Variants in AP3B1 observed in about 807,000 individuals in gnomAD.
The protein encoded by AP3B1 is AP-3 complex subunit beta-1.
AP3B1 carries 61 observed loss-of-function variants against 132.5 expected under a neutral mutation model. That is an observed-to-expected ratio of 0.46 (90% confidence interval 0.37 to 0.57). The LOEUF (loss-of-function observed/expected upper bound fraction) is 0.57, where lower values mean the gene tolerates loss of function less well. AP3B1 is among the 20% of genes least tolerant of loss of function. AP3B1 has a pLI of 0.00. For synonymous variants in AP3B1, 388 were observed against 438.3 expected, an observed-to-expected ratio of 0.89 and a Z score of 1.43; for missense variants, 1,120 against 1,289.4, an observed-to-expected ratio of 0.87 and a Z score of 2.01.
At chr5:78,124,022 A>C (rs998464922) in intron 17 of AP3B1, among the ~76,000 whole-genome samples, 1 of 152,248 alleles carries the variant, frequency 6.6e-6, no homozygotes, top group African/African-American at 2.4e-5. Context: ...GCAGCCATAA[A>C]AAATGATGAG....
chr5:78,193,744 TTATATATATATA>T (rs10602406), intron 7 of AP3B1, among the ~76,000 whole-genome samples: 2 of 110,414 alleles, frequency 1.8e-5, no homozygotes, highest in Non-Finnish European at 3.7e-5. Context: ...ATATATTTTT[TTATATATATATA>T]TATATATATA....
chr5:78,237,584 G>A (rs1189622456), intron 3 of AP3B1, among the ~76,000 whole-genome samples: 2 of 152,158 alleles, frequency 1.3e-5, no homozygotes, highest in Non-Finnish European at 2.9e-5. Context: ...AAGGTGGGCA[G>A]ATTACTTGAG....
At chr5:78,111,230 A>T (rs1751577148) in intron 19 of AP3B1, among the ~76,000 whole-genome samples, 1 of 152,332 alleles carries the variant, frequency 6.6e-6, no homozygotes, top group Admixed American at 6.5e-5. Context: ...CTATCTTGCT[A>T]AAAATTTAAG....
At chr5:78,156,797 TA>T (rs201532737) in intron 13 of AP3B1, among the ~76,000 whole-genome samples, 66 of 150,282 alleles carry the variant, frequency 4.4e-4, no homozygotes, top group African/African-American at 1.4e-3. Context: ...AACAGCAAAC[TA>T]AAAAAAAAAT....
Position 78,131,521 on chromosome 5 carries a change from TAA to T in AP3B1, c.1651-2216_1651-2215del, listed in dbSNP as rs370502420. ...TTTAGCTTTTCCCCCATGTAGTCAA[TAA>T]AAAGTTTTTACAATATTGACAACAT... On this transcript the variant is annotated intron_variant, in intron 15 of 26. Coordinates refer to ENST00000255194, the MANE Select transcript of AP3B1 (RefSeq NM_003664.5). 5.4e-4 allele frequency among the ~76,000 whole-genome samples: 82 copies of T among 152,188 alleles called. 2 individuals carry two copies. In the East Asian group the frequency reaches 0.011, roughly 20 times the overall value.
intron 24 of AP3B1, among the ~76,000 whole-genome samples, chr5:78,031,711 C>A (rs534582387): frequency 1.3e-5 from 2 of 152,180 alleles, no homozygotes; most frequent in Admixed American, 1.3e-4. Context: ...AGTTTTCCCC[C>A]ACGAGTGTTT....
chr5:78,168,685 T>C (rs572355588), intron 11 of AP3B1, among the ~76,000 whole-genome samples: 79 of 152,216 alleles, frequency 5.2e-4, no homozygotes, highest in Non-Finnish European at 9.1e-4. Context: ...AACAAGGACA[T>C]GTTCCACAGA....
intron 14 of AP3B1, among the ~76,000 whole-genome samples, chr5:78,142,464 C>T (rs1477552489): frequency 1.3e-5 from 2 of 152,072 alleles, no homozygotes; most frequent in Non-Finnish European, 2.9e-5. Context: ...TTTATGAAGT[C>T]CTTTTACAAT....
At chr5:78,282,339 G>T (rs930650908) in intron 1 of AP3B1, among the ~76,000 whole-genome samples, 1 of 150,804 alleles carries the variant, frequency 6.6e-6, no homozygotes, top group African/African-American at 2.4e-5. Flanking sequence ...TTCAAGAACA[G>T]CTTCAAAGCC....
rs1752586151 is a variant in AP3B1 at position 78,129,124 on chromosome 5, T to C, written c.1834A>G (p.Lys612Glu). ...TGGAGTTATATTCTGATAATACCTT[T>C]AAAAGGAGACTCAAGCAGTGGTGCA... ...KPAPLLESPF[K>E]DRDHFQLGTL... Residue 612 changes from lysine (K) to glutamate (E), a missense_variant, in exon 16 of 27, where the codon AAA becomes GAA. Transcript: ENST00000255194. The C allele has an allele frequency of 6.2e-7, 1 of 1,611,692 alleles. No individual in the cohort carries two copies. The highest frequency in any genetic ancestry group is 8.5e-7 in the Non-Finnish European group (1 of 1,178,894).
chr5:78,046,520 G>A (rs556231760), intron 22 of AP3B1, among the ~76,000 whole-genome samples: 16 of 152,208 alleles, frequency 1.1e-4, no homozygotes, highest in African/African-American at 3.6e-4. Flanking sequence ...TAGCAACTTT[G>A]CTTCTGAAGC....
chr5:78,011,819 C>T (rs1461285490), intron 26 of AP3B1, among the ~76,000 whole-genome samples: 1 of 151,962 alleles, frequency 6.6e-6, no homozygotes. Context: ...ATAAAGTATT[C>T]CAAAATTAGG....
intron 22 of AP3B1, among the ~76,000 whole-genome samples, chr5:78,085,415 A>G (rs1002344370): frequency 3.9e-5 from 6 of 152,182 alleles, no homozygotes; most frequent in Non-Finnish European, 7.4e-5. Context: ...GAATATACAT[A>G]AAGTACACAT....
intron 11 of AP3B1, among the ~76,000 whole-genome samples, chr5:78,174,714 T>C (rs146654965): frequency 1.8e-3 from 271 of 152,368 alleles, no homozygotes; most frequent in African/African-American, 6.0e-3. Flanking sequence ...CTGTCTGTTC[T>C]CAGAGCTCAA....
intron 24 of AP3B1, among the ~76,000 whole-genome samples, chr5:78,024,072 GGAAACA>G (rs1028573780): frequency 6.6e-5 from 10 of 152,244 alleles, no homozygotes; most frequent in African/African-American, 2.4e-4. Context: ...ATACTTCTTT[GGAAACA>G]GCCGAAAAGG....
intron 2 of AP3B1, among the ~76,000 whole-genome samples, chr5:78,245,792 C>A (rs569606226): frequency 1.3e-5 from 2 of 152,236 alleles, no homozygotes; most frequent in South Asian, 4.1e-4. Context: ...CACATTTGGG[C>A]CCTGAGGGAA....
chr5:78,140,476 T>C (rs566225091), intron 15 of AP3B1, among the ~76,000 whole-genome samples: 4 of 152,336 alleles, frequency 2.6e-5, no homozygotes, highest in African/African-American at 9.6e-5. Context: ...TTCTGGTGTC[T>C]AGTGAGCACC....
intron 22 of AP3B1, among the ~76,000 whole-genome samples, chr5:78,080,890 A>C (rs1016788062): frequency 1.3e-5 from 2 of 152,220 alleles, no homozygotes; most frequent in Non-Finnish European, 2.9e-5. Context: ...AAAACCAGCT[A>C]AACAATGGTT....
chr5:78,274,569 A>T (rs990951523), intron 1 of AP3B1, among the ~76,000 whole-genome samples: 1 of 152,158 alleles, frequency 6.6e-6, no homozygotes, highest in Non-Finnish European at 1.5e-5. Context: ...ACATAAAACT[A>T]CACCAGGTAC....
Sources: gnomAD v4.1 joint callset for allele counts (sites outside exome capture counted in the v4.1 genomes callset) on GRCh38, gnomAD v4.1.1 for gene constraint, MANE v1.5 for transcripts, NCBI Gene and HGNC (gene_info 2026-07-23, HGNC 2026-07-21) for gene names.